Variants in USH2A observed in about 807,000 individuals in gnomAD.
USH2A encodes usherin, also known as Usher syndrome 2A (autosomal recessive, mild).
USH2A carries 443 observed loss-of-function variants against 538.9 expected under a neutral mutation model. That is an observed-to-expected ratio of 0.82 (90% CI 0.76 to 0.89). The LOEUF (loss-of-function observed/expected upper bound fraction) is 0.89. USH2A is among the 40% of genes least tolerant of loss of function. The pLI, the probability that USH2A is intolerant of heterozygous loss-of-function variation, is 0.00. For synonymous variants in USH2A, 2,413 were observed against 2,273.5 expected (o/e 1.06, Z -1.75); for missense variants, 6,633 against 6,324.8 (o/e 1.05, Z -1.65).
intron 15 of USH2A, among the ~76,000 whole-genome samples, chr1:216,209,694 T>C (rs1373655590): frequency 2.6e-5 from 4 of 152,220 alleles, no homozygotes; most frequent in African/African-American, 9.6e-5. Flanking sequence ...ATAACTTCCA[T>C]AGCCTTTGCT....
intron 44 of USH2A, among the ~76,000 whole-genome samples, chr1:215,858,698 G>A (rs1043615346): frequency 4.0e-5 from 6 of 151,732 alleles, no homozygotes; most frequent in African/African-American, 1.5e-4. Context: ...TAAGAGCTTT[G>A]CTATTAAATG....
intron 11 of USH2A, among the ~76,000 whole-genome samples, chr1:216,286,902 C>G (rs1247765766): frequency 6.6e-6 from 1 of 152,110 alleles, no homozygotes; most frequent in South Asian, 2.1e-4. Context: ...TTCTGCATTT[C>G]TTATAGAAAA....
chr1:215,751,936 T>C (rs1378420336), intron 58 of USH2A, among the ~76,000 whole-genome samples: 1 of 152,132 alleles, frequency 6.6e-6, no homozygotes, highest in Non-Finnish European at 1.5e-5. Flanking sequence ...GACAACTAAA[T>C]AGTGAAGCCC....
At chr1:215,680,576 G>T (rs973813703) in intron 61 of USH2A, among the ~76,000 whole-genome samples, 200 bp from the exon 62 acceptor site, 2 of 151,816 alleles carry the variant, frequency 1.3e-5, no homozygotes, top group African/African-American at 4.8e-5. Context: ...ATTACCCAAT[G>T]TTGTATGATT....
intron 58 of USH2A, among the ~76,000 whole-genome samples, chr1:215,749,415 T>C (rs1351028222): frequency 2.0e-5 from 3 of 152,218 alleles, no homozygotes; most frequent in Non-Finnish European, 4.4e-5. Flanking sequence ...GTCCTTTACA[T>C]ATACCTATGA....
intron 47 of USH2A, among the ~76,000 whole-genome samples, chr1:215,824,453 A>G (rs1382754431): frequency 6.6e-6 from 1 of 152,066 alleles, no homozygotes; most frequent in East Asian, 1.9e-4. Context: ...AACTATCAGA[A>G]TACCACCTTT....
At chr1:215,843,081 A>G (rs967198093) in intron 46 of USH2A, among the ~76,000 whole-genome samples, 2 of 152,152 alleles carry the variant, frequency 1.3e-5, no homozygotes, top group Non-Finnish European at 2.9e-5. Context: ...GAGTCAGAGT[A>G]GGGGAGACTA....
chr1:216,206,851 C>T (rs576392481), intron 16 of USH2A, among the ~76,000 whole-genome samples: 5 of 152,140 alleles, frequency 3.3e-5, no homozygotes, highest in Admixed American at 6.5e-5. Flanking sequence ...TACTTAATGA[C>T]TGTTCACTTG....
chr1:216,361,964 T>C (rs2038498949), intron 4 of USH2A, among the ~76,000 whole-genome samples: 1 of 152,186 alleles, frequency 6.6e-6, no homozygotes, highest in African/African-American at 2.4e-5. Flanking sequence ...ATTGATGCTA[T>C]TCTGTTTTTA....
At chr1:215,677,232 G>A (rs910790776) in intron 62 of USH2A, among the ~76,000 whole-genome samples, 1 of 152,038 alleles carries the variant, frequency 6.6e-6, no homozygotes, top group African/African-American at 2.4e-5. Context: ...ACCTACTGAA[G>A]GCCACCTAAG....
At chr1:215,784,123 T>C (rs181063359) in intron 52 of USH2A, among the ~76,000 whole-genome samples, 100 of 152,282 alleles carry the variant, frequency 6.6e-4, no homozygotes, top group Non-Finnish European at 1.1e-3. Flanking sequence ...CAGTTCTCCC[T>C]TCCATCCTGG....
At chr1:215,901,327 A>C in intron 38 of USH2A, 1 of 289,152 alleles carries the variant, frequency 3.5e-6, no homozygotes, top group South Asian at 3.4e-5. Flanking sequence ...TGCTGCCTTA[A>C]TCACACCACT....
chr1:216,391,421 T>G (rs1298981538), intron 3 of USH2A, among the ~76,000 whole-genome samples: 2 of 152,168 alleles, frequency 1.3e-5, no homozygotes, highest in African/African-American at 4.8e-5. Context: ...TACTTTACCA[T>G]CTGCCAGCTT....
intron 64 of USH2A, among the ~76,000 whole-genome samples, chr1:215,656,548 C>A (rs1372915942): frequency 6.6e-6 from 1 of 152,182 alleles, no homozygotes; most frequent in Admixed American, 6.5e-5. Flanking sequence ...TACAAAAGAT[C>A]TCTAATCTGT....
intron 2 of USH2A, 97 bp downstream of exon 2, chr1:216,421,755 A>G: frequency 3.8e-6 from 6 of 1,579,402 alleles, no homozygotes; most frequent in Non-Finnish European, 5.2e-6. Context: ...TGAATTCTAT[A>G]TAGCCTTCAC....
At position 216,422,310 on chromosome 1, in the gene USH2A, G is replaced by A. The variant is rs371107415; in HGVS notation, c.27C>T (p.Gly9=). The part of the protein sequence containing the change: MNCPVLSL[G]SGFLFQVIEM... ...CAATGACCTGAAACAAGAAGCCAGA[G>A]CCCAATGAAAGAACTGGGCAATTCA... The change falls in exon 2 of 72, where the codon GGC becomes GGT. Residue 9 remains glycine, a synonymous_variant. Transcript: ENST00000307340. 1 of 1,613,782 alleles carries A rather than the reference G, an allele frequency of 6.2e-7. No homozygotes were observed. The highest frequency in any genetic ancestry group is 8.5e-7 in the Non-Finnish European group (1 of 1,179,834).
intron 61 of USH2A, among the ~76,000 whole-genome samples, chr1:215,693,554 T>C (rs993081457): frequency 2.6e-5 from 4 of 152,198 alleles, no homozygotes; most frequent in African/African-American, 4.8e-5. Context: ...TGTTTTCATT[T>C]CAAGACCCCT....
intron 3 of USH2A, among the ~76,000 whole-genome samples, chr1:216,380,157 G>A (rs186829992): frequency 1.1e-4 from 17 of 152,164 alleles, no homozygotes; most frequent in Non-Finnish European, 2.2e-4. Flanking sequence ...GATAGGTACC[G>A]CAAAAGACGT....
chr1:215,880,187 C>A (rs919575870), intron 41 of USH2A, among the ~76,000 whole-genome samples: 14 of 152,030 alleles, frequency 9.2e-5, no homozygotes, highest in African/African-American at 3.4e-4. Context: ...CTATGCAAAC[C>A]AAAGAGGAGC....
Sources: gnomAD v4.1 joint callset for allele counts (sites outside exome capture counted in the v4.1 genomes callset) on GRCh38, gnomAD v4.1.1 for gene constraint, MANE v1.5 for transcripts, NCBI Gene and HGNC (gene_info 2026-07-23, HGNC 2026-07-21) for gene names.